Variants in ABAT observed in about 807,000 individuals in gnomAD.
ABAT encodes the protein 4-aminobutyrate aminotransferase, also known as 4-aminobutyrate aminotransferase, mitochondrial.
Under a neutral mutation model 64.6 loss-of-function variants are expected in ABAT, and 45 were observed. The observed-to-expected ratio is 0.70, with a 90% CI of 0.55 to 0.89. The LOEUF is 0.89. Ranked by LOEUF, ABAT falls within the 40% of genes least tolerant of loss-of-function variation. The pLI is 0.00. For synonymous variants in ABAT, 297 were observed against 250.5 expected, an observed-to-expected ratio of 1.19 and a Z score of -1.75; for missense variants, 633 against 658.4, an observed-to-expected ratio of 0.96 and a Z score of 0.42.
chr16:8,703,830 C>A (rs2057880738), intron 1 of ABAT, among the ~76,000 whole-genome samples: 1 of 152,188 alleles, frequency 6.6e-6, no homozygotes, highest in Non-Finnish European at 1.5e-5. Context: ...GCATGTGGGC[C>A]ATGTGGTTTC....
In ABAT at chr16:8,728,416, T is replaced by C. The variant is rs76988353; in HGVS notation, c.-41-7283T>C. Among the ~76,000 whole-genome samples the C allele has an allele frequency of 3.6e-3, 554 of 152,342 alleles. 2 individuals carry two copies. Among genetic ancestry groups the C allele is most frequent in the African/African-American group, 0.013 (536 of 41,580 alleles). On this transcript the variant is annotated intron_variant, in intron 1 of 15. Transcript: ENST00000268251. Reference sequence around the variant, plus strand: ...TTCGGAGTTTCAAAAACGTGTTTAATGGAAATTGAATTGTGTGACGCCTCA... The same window carrying C: ...TTCGGAGTTTCAAAAACGTGTTTAACGGAAATTGAATTGTGTGACGCCTCA...
At chr16:8,702,834 C>G (rs1427597791) in intron 1 of ABAT, among the ~76,000 whole-genome samples, 1 of 152,100 alleles carries the variant, frequency 6.6e-6, no homozygotes, top group East Asian at 1.9e-4. Context: ...TGATTGCACA[C>G]AGACCACAGC....
chr16:8,707,600 T>C (rs1308544401), intron 1 of ABAT, among the ~76,000 whole-genome samples: 1 of 152,120 alleles, frequency 6.6e-6, no homozygotes, highest in Non-Finnish European at 1.5e-5. Flanking sequence ...AAGTGAGAGC[T>C]AAAATGGGAT....
chr16:8,714,962 C>T (rs2058171539), intron 1 of ABAT: 1 of 152,420 alleles, frequency 6.6e-6, no homozygotes, highest in African/African-American at 2.4e-5. Context: ...TGTCTACCTG[C>T]CAAGCTCTAA....
chr16:8,717,780 A>G (rs1278608042), intron 1 of ABAT, among the ~76,000 whole-genome samples: 1 of 152,154 alleles, frequency 6.6e-6, no homozygotes, highest in Non-Finnish European at 1.5e-5. Context: ...TTGGAATCAG[A>G]AGGACTAATT....
chr16:8,713,755 C>G lies in ABAT; in HGVS notation c.-41-21944C>G, dbSNP rs1030963667. ...GGAGGGAGCTGGTGCCCAACGGCACCTCTTAGGATGAACCCAGCCAGCTGC... is the reference window on the plus strand; with the variant it reads ...GGAGGGAGCTGGTGCCCAACGGCACGTCTTAGGATGAACCCAGCCAGCTGC... On this transcript the variant is annotated intron_variant, in intron 1 of 15. Transcript: ENST00000268251. 4.1e-5 allele frequency: 17 copies of G among 417,624 alleles called. 1 individual carries two copies. Among genetic ancestry groups the G allele is most frequent in the Middle Eastern group, 9.7e-4 (2 of 2,072 alleles). 25.9% of individuals were successfully genotyped at this position (417,624 alleles called of 1,614,324 possible). A position where few individuals can be genotyped will look rare whatever the true frequency, so the allele number is the denominator to read the frequency against.
chr16:8,743,396 G>C (rs866724500), intron 2 of ABAT, among the ~76,000 whole-genome samples: 7 of 120,030 alleles, frequency 5.8e-5, no homozygotes, highest in Admixed American at 1.8e-4. Context: ...CTGAGCTTTA[G>C]AGTCCCCTCT....
intron 1 of ABAT, among the ~76,000 whole-genome samples, chr16:8,682,045 T>C (rs1413571065): frequency 1.3e-5 from 2 of 152,134 alleles, no homozygotes; most frequent in Non-Finnish European, 2.9e-5. Context: ...TTCCTCCACG[T>C]TGTGACAGCC....
At chr16:8,748,244 A>T in intron 4 of ABAT, 107 bp downstream of exon 4, 1 of 1,083,902 alleles carries the variant, frequency 9.2e-7, no homozygotes, top group Non-Finnish European at 1.4e-6. Flanking sequence ...AATGTAGTTG[A>T]CTTTTGTTCT....
rs141893184 is a variant in ABAT at position 8,757,817 on chromosome 16, G to T, written c.366+11G>T. On this transcript the variant is annotated intron_variant, in intron 6 of 15. Transcript: ENST00000268251. ...CAGCCTCAAAATGCGGTAGGTCTTG[G>T]GGTTACACAGAAGAAAGACAAAATA... 856 of 1,613,778 alleles carry T rather than the reference G, an allele frequency of 5.3e-4. 2 individuals are homozygous for T. The African/African-American group carries it at 0.011, about 20-fold the overall frequency.
At chr16:8,694,193 ATT>A (rs35832558) in intron 1 of ABAT, among the ~76,000 whole-genome samples, 2,960 of 131,074 alleles carry the variant, frequency 0.023, 80 homozygotes, top group African/African-American at 0.068. Flanking sequence ...CAATGCCCAG[ATT>A]TTTTTTTTTT....
intron 5 of ABAT, among the ~76,000 whole-genome samples, chr16:8,750,915 C>T (rs1174349747): frequency 1.3e-5 from 2 of 150,438 alleles, no homozygotes; most frequent in Non-Finnish European, 2.9e-5. Flanking sequence ...CGAAGAAGAG[C>T]CTGAGGTGGG....
In ABAT at chr16:8,768,829, C is replaced by G; in HGVS notation, c.672C>G (p.Cys224Trp). 6.2e-7 allele frequency: 1 copy of G among 1,614,178 alleles called. No individual in the cohort carries two copies. Among genetic ancestry groups the G allele is most frequent in the Non-Finnish European group, 8.5e-7 (1 of 1,180,030 alleles). The change falls in exon 11 of 16, where the codon TGC (cysteine) becomes TGG (tryptophan). Residue 224 changes from cysteine to tryptophan, a missense_variant. Transcript: ENST00000268251. ...MGAFHGRTMG[C>W]LATTHSKAIH... is the part of the protein sequence containing the mutation. The stretch of plus-strand genomic sequence containing the variant: ...TTTCTGTTTTGCTGAACTCAGGTTG[C>G]TTAGCGACCACGCACTCTAAAGCCA...
intron 12 of ABAT, among the ~76,000 whole-genome samples, 192 bp downstream of exon 12, chr16:8,773,109 CA>C (rs2060162687): frequency 2.0e-5 from 1 of 51,130 alleles, no homozygotes; most frequent in Non-Finnish European, 3.9e-5. Context: ...AAACTATACA[CA>C]CACACACACA....
At chr16:8,719,004 C>A (rs539628716) in intron 1 of ABAT, among the ~76,000 whole-genome samples, 1 of 152,116 alleles carries the variant, frequency 6.6e-6, no homozygotes, top group Non-Finnish European at 1.5e-5. Context: ...GCGTACTTAG[C>A]GGTTTCTGGA....
intron 1 of ABAT, among the ~76,000 whole-genome samples, chr16:8,726,767 A>G (rs1165483054): frequency 1.3e-5 from 2 of 152,154 alleles, no homozygotes; most frequent in African/African-American, 4.8e-5. Context: ...GGAACCTCCA[A>G]CTGTTCTCCA....
Position 8,716,885 on chromosome 16 carries a change from C to T in ABAT, c.-41-18814C>T, listed in dbSNP as rs550939651. Among the ~76,000 whole-genome samples the T allele has an allele frequency of 4.3e-4, 66 of 152,334 alleles. 1 individual carries two copies. In the South Asian group the frequency reaches 0.014, roughly 32 times the overall value. On this transcript the variant is annotated intron_variant, in intron 1 of 15. Coordinates refer to ENST00000268251, the MANE Select transcript of ABAT (RefSeq NM_020686.6). Reference sequence around the variant, plus strand: ...CCGTTCATCACATCTGGTCATTGAGCATCTGAGACGTGGCTATTCTAAACT... The same window carrying T: ...CCGTTCATCACATCTGGTCATTGAGTATCTGAGACGTGGCTATTCTAAACT...
intron 6 of ABAT, among the ~76,000 whole-genome samples, chr16:8,759,180 C>T (rs1184057528): frequency 6.6e-6 from 1 of 152,100 alleles, no homozygotes; most frequent in Non-Finnish European, 1.5e-5. Flanking sequence ...ATGCACCACT[C>T]AATGAATTTC....
intron 3 of ABAT, among the ~76,000 whole-genome samples, 188 bp downstream of exon 3, chr16:8,746,286 G>C (rs2059326664): frequency 2.0e-5 from 3 of 152,106 alleles, no homozygotes; most frequent in African/African-American, 7.2e-5. Flanking sequence ...GGGCGCGGTG[G>C]CTGACGCTGT....
Sources: allele counts gnomAD v4.1 joint callset (sites outside exome capture counted in the v4.1 genomes callset), GRCh38; gene constraint gnomAD v4.1.1; transcripts MANE v1.5; gene names NCBI Gene and HGNC (gene_info 2026-07-23, HGNC 2026-07-21).